The following CTNNA3 variants were observed in gnomAD, a reference collection of about 807,000 sequenced individuals.
The protein encoded by CTNNA3 is catenin alpha 3.
A neutral mutation model predicts 95.7 loss-of-function variants in CTNNA3; 76 were observed. That is an observed-to-expected ratio of 0.79 (90% CI 0.66 to 0.96). The LOEUF is 0.96. Among genes scored for constraint, CTNNA3 ranks in the 40% least tolerant of loss-of-function variants. The probability of loss-of-function intolerance (pLI) is 0.00; values close to 1 mark genes in which losing one functional copy is unlikely to be tolerated. For missense variants in CTNNA3, 1,191 were observed against 1,089.8 expected (o/e 1.09, Z -1.31); for synonymous variants, 431 against 374.4 (o/e 1.15, Z -1.74).
intron 3 of CTNNA3, among the ~76,000 whole-genome samples, chr10:67,541,559 A>G (rs1437329604): frequency 6.6e-6 from 1 of 151,996 alleles, no homozygotes; most frequent in East Asian, 1.9e-4. Flanking sequence ...TTGGACAGTA[A>G]ATGCCTTCAA....
chr10:66,379,932 A>G (rs2092824106), intron 11 of CTNNA3, among the ~76,000 whole-genome samples: 1 of 152,228 alleles, frequency 6.6e-6, no homozygotes, highest in African/African-American at 2.4e-5. Context: ...CTCCCAGCTA[A>G]AACTAATGAA....
intron 13 of CTNNA3, among the ~76,000 whole-genome samples, chr10:66,236,970 C>A (rs990257509): frequency 1.0e-4 from 15 of 145,082 alleles, no homozygotes; most frequent in Non-Finnish European, 2.0e-4. Context: ...AAAAAAAAAA[C>A]TTAAAAAGAT....
At chr10:67,430,826 C>CACACACACACAT (rs948042861) in intron 5 of CTNNA3, among the ~76,000 whole-genome samples, 7 of 148,868 alleles carry the variant, frequency 4.7e-5, no homozygotes, top group Non-Finnish European at 8.9e-5. Flanking sequence ...TAACTACACA[C>CACACACACACAT]ACACACACAC....
chr10:67,726,630 AT>A (rs1841229022), intron 1 of CTNNA3, among the ~76,000 whole-genome samples: 2 of 7,728 alleles, frequency 2.6e-4, no homozygotes, highest in Non-Finnish European at 4.9e-4. Context: ...TATATATTAT[AT>A]TATATATAAT....
intron 11 of CTNNA3, among the ~76,000 whole-genome samples, chr10:66,480,647 C>G (rs989769153): frequency 3.3e-5 from 5 of 152,080 alleles, no homozygotes; most frequent in Non-Finnish European, 5.9e-5. Flanking sequence ...CTCTGTCACC[C>G]AGTCTGGAGT....
At chr10:66,645,481 A>G (rs921104651) in intron 9 of CTNNA3, among the ~76,000 whole-genome samples, 3 of 152,124 alleles carry the variant, frequency 2.0e-5, no homozygotes, top group Non-Finnish European at 4.4e-5. Flanking sequence ...TTCTTCTATT[A>G]AATTGGTTTT....
intron 10 of CTNNA3, among the ~76,000 whole-genome samples, chr10:66,550,775 T>G (rs189155463): frequency 6.6e-6 from 1 of 152,002 alleles, no homozygotes; most frequent in African/African-American, 2.4e-5. Flanking sequence ...ACTGGCTGAC[T>G]TTTTTTTAAT....
rs542795685 is a variant in CTNNA3 at position 66,086,132 on chromosome 10, C to CT, written c.1978-16644dup. Among the ~76,000 whole-genome samples the CT allele has an allele frequency of 8.5e-4, 129 of 152,136 alleles. 1 individual carries two copies. Among genetic ancestry groups the CT allele is most frequent in the Admixed American group, 2.0e-4 (3 of 15,252 alleles). ...GAAAGGCCCATAGCAATAGACAAGG[C>CT]TTTTCCAAGTAAAATTCCATTCAGG... On this transcript the variant is annotated intron_variant, in intron 14 of 17. Transcript: ENST00000433211.
chr10:66,280,757 G>A lies in CTNNA3; in HGVS notation c.1733-136C>T, dbSNP rs531612019. On this transcript the variant is annotated intron_variant, in intron 12 of 17. Coordinates refer to ENST00000433211, the MANE Select transcript of CTNNA3 (RefSeq NM_013266.4). The stretch of plus-strand genomic sequence containing the variant: ...TCTTTAATTGTATTTTTTAAATATA[G>A]AGATACACAAATTTTAGCAGGATTA... 398 of 582,562 alleles carry A rather than the reference G, an allele frequency of 6.8e-4. 4 individuals carry two copies. In the African/African-American group the frequency reaches 7.2e-3, roughly 10 times the overall value. The allele number at this position is 582,562 out of a possible 1,614,324, so 36.1% of individuals were successfully genotyped here.
chr10:67,072,314 T>C (rs765536914), intron 7 of CTNNA3, among the ~76,000 whole-genome samples: 11 of 152,324 alleles, frequency 7.2e-5, no homozygotes, highest in Non-Finnish European at 1.0e-4. Context: ...CTTCACTTTT[T>C]TTAGTCCACC....
Position 67,294,332 on chromosome 10 carries a change from C to T in CTNNA3, c.580-74462G>A, listed in dbSNP as rs1297308556. On this transcript the variant is annotated intron_variant, in intron 5 of 17. Coordinates refer to ENST00000433211, the MANE Select transcript of CTNNA3 (RefSeq NM_013266.4). ...TGGGGAAAAAGACTATGTGTTGCTA[C>T]AATTTCAGGGTAATTACATACATAC... Among the ~76,000 whole-genome samples the T allele has an allele frequency of 2.6e-5, 4 of 152,132 alleles. No individual in the cohort carries two copies. In the East Asian group the frequency reaches 7.7e-4, roughly 29 times the overall value.
At chr10:65,955,027 T>G (rs2077699827) in intron 17 of CTNNA3, among the ~76,000 whole-genome samples, 2 of 152,340 alleles carry the variant, frequency 1.3e-5, no homozygotes, top group South Asian at 2.1e-4. Flanking sequence ...GAGCATGGAA[T>G]GTTCTTCCAT....
intron 7 of CTNNA3, among the ~76,000 whole-genome samples, chr10:66,929,325 A>G (rs1925576): frequency 0.36 from 54,990 of 152,038 alleles, 10,941 homozygotes; most frequent in Non-Finnish European, 0.45. Flanking sequence ...GCGAATGGGA[A>G]AGCAGCTTGC....
chr10:67,509,233 G>A (rs759919042), intron 5 of CTNNA3, among the ~76,000 whole-genome samples: 32 of 150,438 alleles, frequency 2.1e-4, no homozygotes, highest in Non-Finnish European at 3.7e-4. Context: ...GGGTACATGT[G>A]CACAATGTGC....
chr10:65,934,580 T>G (rs2077306628), intron 17 of CTNNA3, among the ~76,000 whole-genome samples: 1 of 152,198 alleles, frequency 6.6e-6, no homozygotes, highest in African/African-American at 2.4e-5. Context: ...TTTTGATCTT[T>G]AAAATCCAGA....
intron 9 of CTNNA3, among the ~76,000 whole-genome samples, chr10:66,627,174 G>T (rs1844965367): frequency 1.3e-5 from 2 of 152,098 alleles, no homozygotes; most frequent in Non-Finnish European, 2.9e-5. Flanking sequence ...ATAGAGAAAA[G>T]GCTAAAAATT....
chr10:66,084,576 T>G (rs913113115), intron 14 of CTNNA3, among the ~76,000 whole-genome samples: 1 of 152,164 alleles, frequency 6.6e-6, no homozygotes, highest in African/African-American at 2.4e-5. Flanking sequence ...AGAGAATTTT[T>G]GGAATTAGAA....
At chr10:66,441,034 G>T (rs2093371978) in intron 11 of CTNNA3, among the ~76,000 whole-genome samples, 1 of 152,112 alleles carries the variant, frequency 6.6e-6, no homozygotes, top group Non-Finnish European at 1.5e-5. Flanking sequence ...AAAAAACAGA[G>T]TAATTAATAA....
At chr10:67,125,199 A>G (rs1859662974) in intron 7 of CTNNA3, among the ~76,000 whole-genome samples, 1 of 152,206 alleles carries the variant, frequency 6.6e-6, no homozygotes, top group Non-Finnish European at 1.5e-5. Context: ...ATATGTAAGG[A>G]AACCAAAACA....
Sources: allele counts gnomAD v4.1 joint callset (sites outside exome capture counted in the v4.1 genomes callset), GRCh38; gene constraint gnomAD v4.1.1; transcripts MANE v1.5; gene names NCBI Gene and HGNC (gene_info 2026-07-23, HGNC 2026-07-21).